DDA1: variants seen among roughly 807,000 people sequenced by gnomAD.
The protein encoded by DDA1 is DET1 and DDB1 associated 1.
In DDA1, 3 loss-of-function variants were observed where a neutral mutation model predicts 18.6. That is an observed-to-expected ratio of 0.16 (90% confidence interval 0.07 to 0.42). DDA1 has a LOEUF of 0.42. Among genes scored for constraint, DDA1 ranks in the 10% least tolerant of loss-of-function variants. The pLI, the probability that DDA1 is intolerant of heterozygous loss-of-function variation, is 0.99. For missense variants in DDA1, 105 were observed against 138.2 expected (o/e 0.76, Z 1.20); for synonymous variants, 52 against 54.0 (o/e 0.96, Z 0.17).
At chr19:17,315,365 A>G (rs866016170) in intron 3 of DDA1, among the ~76,000 whole-genome samples, 1 of 61,970 alleles carries the variant, frequency 1.6e-5, no homozygotes, top group South Asian at 5.7e-4. Flanking sequence ...TATATACGCT[A>G]TATATATACA....
chr19:17,319,115 C>T (rs2074227440), intron 4 of DDA1, among the ~76,000 whole-genome samples: 1 of 152,170 alleles, frequency 6.6e-6, no homozygotes, highest in Admixed American at 6.5e-5. Flanking sequence ...AGAAACCAGC[C>T]CTGTGTGGGT....
At chr19:17,309,736 C>T in intron 1 of DDA1, 79 bp downstream of exon 1, 1 of 1,540,812 alleles carries the variant, frequency 6.5e-7, no homozygotes, top group Non-Finnish European at 8.8e-7. Context: ...CTAGTATCCC[C>T]CTAGGCCCCT....
Position 17,319,757 on chromosome 19 carries a change from GC to G in DDA1, c.*104del. 1 of 986,894 alleles carries G rather than the reference GC, an allele frequency of 1.0e-6. No homozygotes were observed. Among genetic ancestry groups the G allele is most frequent in the Non-Finnish European group, 1.5e-6 (1 of 656,336 alleles). The allele number at this position is 986,894 out of a possible 1,614,324, so 61.1% of individuals were successfully genotyped here. A position where few individuals can be genotyped will look rare whatever the true frequency, so the allele number is the denominator to read the frequency against. On this transcript the variant is annotated 3_prime_UTR_variant, in exon 5 of 5. Transcript: ENST00000359866. ...ACCCCGCCCGCCCGCCTCCCTGCCGGCCCATCCACACCCTGCGTCCACACCA... is the reference window on the plus strand; with the variant it reads ...ACCCCGCCCGCCCGCCTCCCTGCCGGCCATCCACACCCTGCGTCCACACCA...
chr19:17,309,757 C>T, intron 1 of DDA1, 100 bp downstream of exon 1: 1 of 1,470,394 alleles, frequency 6.8e-7, no homozygotes, highest in Non-Finnish European at 9.2e-7. Flanking sequence ...CTCCGTTCTG[C>T]CCGGTCCCCT....
rs1568353771 is a variant in DDA1 at position 17,315,212 on chromosome 19, TATACACACACGTGTATAC to T, written c.137-720_137-703del. On this transcript the variant is annotated intron_variant, in intron 3 of 4. Transcript: ENST00000359866. ...ACACACACGTGTATACACACGTGTA[TATACACACACGTGTATAC>T]ACACACACGTGTATATACACACACG... 4.2e-4 allele frequency among the ~76,000 whole-genome samples: 17 copies of T among 40,958 alleles called. 5 individuals carry two copies. The highest frequency in any genetic ancestry group is 7.4e-4 in the Non-Finnish European group (14 of 18,830). 26.9% of individuals were successfully genotyped at this position (40,958 alleles called of 152,430 possible).
chr19:17,314,405 C>T lies in DDA1; in HGVS notation c.136+16C>T, dbSNP rs370160043. On this transcript the variant is annotated intron_variant, in intron 3 of 4. Coordinates refer to ENST00000359866, the MANE Select transcript of DDA1 (RefSeq NM_024050.6). The surrounding 1 kb of genome is among the most constrained non-coding windows in gnomAD (Gnocchi z 4.6). Reference sequence around the variant, plus strand: ...TCTGAACAGAGTAAGTGGCCGCTGTCAGTCTGTCCCATTCTGGCTGCTGAG... The same window carrying T: ...TCTGAACAGAGTAAGTGGCCGCTGTTAGTCTGTCCCATTCTGGCTGCTGAG... The T allele has an allele frequency of 2.5e-6, 4 of 1,614,118 alleles. No homozygotes were observed. The African/African-American group carries it at 5.3e-5, about 22-fold the overall frequency.
intron 3 of DDA1, among the ~76,000 whole-genome samples, chr19:17,315,435 T>TGC (rs1460647138): frequency 7.0e-5 from 8 of 115,012 alleles, no homozygotes; most frequent in Admixed American, 2.4e-4. Context: ...TGTGCATATA[T>TGC]ATATATATAT....
In DDA1 at chr19:17,315,970, A is replaced by T. The variant is rs761750862; in HGVS notation, c.173A>T (p.Tyr58Phe). Residue 58 changes from tyrosine to phenylalanine, a missense_variant, in exon 4 of 5, where the codon TAC becomes TTC. Around this residue, in one of 2 missense-constraint regions of DDA1, gnomAD observed 43 missense variants for 82.3 expected, o/e 0.52. Coordinates refer to ENST00000359866, the MANE Select transcript of DDA1 (RefSeq NM_024050.6). ...VTEKTNILLR[Y>F]LHQQWDKKNA... ...GAAAAGACAAACATCCTCCTGCGCT[A>T]CCTGCATCAGCAATGGGACAAAAAG... 1.7e-5 allele frequency: 28 copies of T among 1,614,144 alleles called. No homozygotes were observed. The highest frequency in any genetic ancestry group is 2.7e-5 in the African/African-American group (2 of 75,028).
At chr19:17,313,605 C>G (rs113058732) in intron 1 of DDA1, among the ~76,000 whole-genome samples, 12,987 of 151,878 alleles carry the variant, frequency 0.086, 649 homozygotes, top group Non-Finnish European at 0.11. Context: ...ACCACGCCCA[C>G]CTAATTTTTA....
At chr19:17,318,752 G>GGA in intron 4 of DDA1, among the ~76,000 whole-genome samples, 1 of 150,104 alleles carries the variant, frequency 6.7e-6, no homozygotes, top group African/African-American at 2.5e-5. Context: ...TGCAACCTCC[G>GGA]CCTCTTGGGT....
intron 1 of DDA1, 81 bp downstream of exon 1, chr19:17,309,738 T>TA: frequency 1.3e-6 from 2 of 1,537,190 alleles, no homozygotes; most frequent in Non-Finnish European, 1.8e-6. Flanking sequence ...AGTATCCCCC[T>TA]AGGCCCCTCT....
At position 17,320,226 on chromosome 19, in the gene DDA1, T is replaced by G. The variant is rs1343931545; in HGVS notation, c.*570T>G. On this transcript the variant is annotated 3_prime_UTR_variant, in exon 5 of 5. Coordinates refer to ENST00000359866, the MANE Select transcript of DDA1 (RefSeq NM_024050.6). ...CGGCCCTTGGGATCTTTCTCTTGAG[T>G]CATTTTATTTTTATCATGGACTAGT... The G allele has an allele frequency of 6.6e-6, 1 of 152,642 alleles. No homozygotes were observed. Among genetic ancestry groups the G allele is most frequent in the Non-Finnish European group, 1.5e-5 (1 of 68,392 alleles). 9.5% of individuals were successfully genotyped at this position (152,642 alleles called of 1,614,324 possible).
rs542903131 is a variant in DDA1, at chr19:17,314,171, C to G, written c.84+68C>G. On this transcript the variant is annotated intron_variant, in intron 2 of 4. Coordinates refer to ENST00000359866, the MANE Select transcript of DDA1 (RefSeq NM_024050.6). The surrounding 1 kb of genome is among the most constrained non-coding windows in gnomAD (Gnocchi z 4.6). Reference sequence around the variant, plus strand: ...AGGGGGCCTGGGGGCAGCTTGTGTCCCCCGATTGGGGTCTTGGCTGGAACA... The same window carrying G: ...AGGGGGCCTGGGGGCAGCTTGTGTCGCCCGATTGGGGTCTTGGCTGGAACA... 421 of 1,582,782 alleles carry G rather than the reference C, an allele frequency of 2.7e-4. 2 individuals are homozygous for G. Among genetic ancestry groups the G allele is most frequent in the Non-Finnish European group, 3.6e-4 (412 of 1,152,990 alleles).
intron 1 of DDA1, among the ~76,000 whole-genome samples, chr19:17,313,248 C>G (rs903755365): frequency 2.6e-5 from 4 of 151,904 alleles, no homozygotes; most frequent in African/African-American, 9.7e-5. Context: ...ACTGGGTAAC[C>G]TCTCTGCCTC....
chr19:17,317,207 C>A (rs1362904955), intron 4 of DDA1, among the ~76,000 whole-genome samples: 1 of 148,708 alleles, frequency 6.7e-6, no homozygotes, highest in Admixed American at 6.7e-5. Context: ...CCTGGGCGGT[C>A]TCAAGAAAAA....
chr19:17,318,018 T>C (rs971143934), intron 4 of DDA1, among the ~76,000 whole-genome samples: 11 of 152,048 alleles, frequency 7.2e-5, no homozygotes, highest in African/African-American at 2.7e-4. Context: ...TCTTTTCCCC[T>C]TTTTTTCCCC....
chr19:17,313,573 G>T (rs745742069), intron 1 of DDA1, among the ~76,000 whole-genome samples: 156 of 151,440 alleles, frequency 1.0e-3, no homozygotes, highest in Non-Finnish European at 1.4e-3. Flanking sequence ...CTCCCGAGTA[G>T]CTGGGATCAT....
chr19:17,322,914 C>A lies in DDA1; in HGVS notation c.*3258C>A. The A allele has an allele frequency of 6.6e-6, 1 of 152,390 alleles. No homozygotes were observed. The highest frequency in any genetic ancestry group is 1.5e-5 in the Non-Finnish European group (1 of 68,052). The allele number at this position is 152,390 out of a possible 1,614,324, so 9.4% of individuals were successfully genotyped here. ...CACGTCTTGCAAACCACCGCGCTGT[C>A]CTCTTTGAGAAGGAGTCTTACTCAG... is the stretch of plus-strand genomic sequence containing the variant. On this transcript the variant is annotated 3_prime_UTR_variant, in exon 5 of 5. Coordinates refer to ENST00000359866, the MANE Select transcript of DDA1 (RefSeq NM_024050.6).
In DDA1 at chr19:17,322,438, T is replaced by C; in HGVS notation, c.*2782T>C. Reference sequence around the variant, plus strand: ...ACCCCACTGTTCCCCCAAACTGCCTTCCACCTTCTCCGCCTTTGCACAGGC... The same window carrying C: ...ACCCCACTGTTCCCCCAAACTGCCTCCCACCTTCTCCGCCTTTGCACAGGC... On this transcript the variant is annotated 3_prime_UTR_variant, in exon 5 of 5. Coordinates refer to ENST00000359866, the MANE Select transcript of DDA1 (RefSeq NM_024050.6). 6.5e-6 allele frequency: 1 copy of C among 153,140 alleles called. No individual in the cohort carries two copies. Among genetic ancestry groups the C allele is most frequent in the Non-Finnish European group, 1.5e-5 (1 of 68,512 alleles). The allele number at this position is 153,140 out of a possible 1,614,324, so 9.5% of individuals were successfully genotyped here.
Sources: allele counts gnomAD v4.1 joint callset (sites outside exome capture counted in the v4.1 genomes callset), GRCh38; gene constraint gnomAD v4.1.1; regional missense constraint gnomAD v4.1.1; non-coding constraint Gnocchi (gnomAD v3.1); transcripts MANE v1.5; gene names NCBI Gene and HGNC (gene_info 2026-07-23, HGNC 2026-07-21).